The following LRP1B variants were observed in gnomAD, a reference collection of about 807,000 sequenced individuals.
LRP1B encodes the protein LDL receptor related protein 1B, also known as low-density lipoprotein receptor-related protein 1B.
A neutral mutation model predicts 556.6 loss-of-function variants in LRP1B; 217 were observed. That is an observed-to-expected ratio of 0.39 (90% CI 0.35 to 0.44). The LOEUF (loss-of-function observed/expected upper bound fraction) is 0.44, where lower values mean the gene tolerates loss of function less well. Ranked by LOEUF, LRP1B falls within the 20% of genes least tolerant of loss-of-function variation. LRP1B has a pLI of 1.00. For missense variants in LRP1B, 5,053 were observed against 5,620.8 expected, an observed-to-expected ratio of 0.90 and a Z score of 3.23; for synonymous variants, 2,047 against 1,865.8, an observed-to-expected ratio of 1.10 and a Z score of -2.50.
intron 1 of LRP1B, among the ~76,000 whole-genome samples, chr2:142,092,266 A>C (rs577254561): frequency 6.6e-6 from 1 of 152,244 alleles, no homozygotes; most frequent in East Asian, 1.9e-4. Context: ...AATTCTTATA[A>C]ATTGTTTGTT....
intron 2 of LRP1B, among the ~76,000 whole-genome samples, chr2:141,624,257 A>G (rs917860983): frequency 2.0e-5 from 3 of 152,062 alleles, no homozygotes; most frequent in African/African-American, 4.8e-5. Context: ...TAGGCATAAT[A>G]TTATACAACC....
Position 141,643,873 on chromosome 2 carries a change from C to G in LRP1B, c.206-163340G>C, listed in dbSNP as rs1018078431. ...AGCAGCATTGTGTGCAAAATGAGAA[C>G]AGTAATATTAATAACAGCGACCTTA... On this transcript the variant is annotated intron_variant, in intron 2 of 90. Transcript: ENST00000389484. 3.3e-5 allele frequency among the ~76,000 whole-genome samples: 5 copies of G among 152,020 alleles called. No individual in the cohort carries two copies. In the South Asian group the frequency reaches 1.0e-3, roughly 32 times the overall value.
At chr2:140,403,707 G>A (rs1444967774) in intron 66 of LRP1B, among the ~76,000 whole-genome samples, 1 of 152,072 alleles carries the variant, frequency 6.6e-6, no homozygotes, top group Admixed American at 6.5e-5. Flanking sequence ...TTTATTTGAG[G>A]GAATAATTGA....
At chr2:141,694,929 T>C (rs1691680637) in intron 2 of LRP1B, among the ~76,000 whole-genome samples, 1 of 152,028 alleles carries the variant, frequency 6.6e-6, no homozygotes, top group African/African-American at 2.4e-5. Context: ...TTAGATAGTT[T>C]TTTCTTTTTT....
chr2:141,685,080 G>A (rs566468642), intron 2 of LRP1B, among the ~76,000 whole-genome samples: 5 of 152,028 alleles, frequency 3.3e-5, no homozygotes, highest in African/African-American at 9.6e-5. Context: ...AATTTGCTTG[G>A]GACCAATAAC....
intron 81 of LRP1B, among the ~76,000 whole-genome samples, chr2:140,322,866 GT>G (rs1231855568): frequency 1.3e-5 from 2 of 151,652 alleles, no homozygotes; most frequent in Non-Finnish European, 2.9e-5. Context: ...TCAAGACAGG[GT>G]TTTGTCTACT....
chr2:141,889,985 C>A (rs913684648), intron 1 of LRP1B, among the ~76,000 whole-genome samples: 1 of 151,324 alleles, frequency 6.6e-6, no homozygotes, highest in African/African-American at 2.4e-5. Flanking sequence ...TCACCCACCC[C>A]ATATGTGAAC....
chr2:140,406,335 C>A (rs1224623959), intron 66 of LRP1B, among the ~76,000 whole-genome samples: 2 of 151,886 alleles, frequency 1.3e-5, no homozygotes, highest in Admixed American at 6.6e-5. Context: ...ACTGAAAGTC[C>A]CAAGCCAGAG....
chr2:141,779,614 G>A (rs191635321), intron 2 of LRP1B, among the ~76,000 whole-genome samples: 19 of 151,656 alleles, frequency 1.3e-4, no homozygotes, highest in African/African-American at 4.4e-4. Context: ...ATGGGGTTTC[G>A]CCTCTTTTAA....
At chr2:141,054,198 C>T (rs1699117358) in intron 10 of LRP1B, among the ~76,000 whole-genome samples, 1 of 151,960 alleles carries the variant, frequency 6.6e-6, no homozygotes, top group South Asian at 2.1e-4. Flanking sequence ...TTAGTAAGCA[C>T]ATGACCAGAG....
chr2:141,706,835 A>G (rs1351214738), intron 2 of LRP1B, among the ~76,000 whole-genome samples: 1 of 152,036 alleles, frequency 6.6e-6, no homozygotes, highest in Non-Finnish European at 1.5e-5. Context: ...TAATACTAAT[A>G]TTTAGTTCTA....
intron 41 of LRP1B, among the ~76,000 whole-genome samples, chr2:140,681,948 A>C (rs1388458404): frequency 6.6e-6 from 1 of 152,234 alleles, no homozygotes; most frequent in Non-Finnish European, 1.5e-5. Context: ...CATGAATGGG[A>C]GAAACAAGAA....
At chr2:141,785,538 G>A (rs1447312989) in intron 2 of LRP1B, among the ~76,000 whole-genome samples, 1 of 151,762 alleles carries the variant, frequency 6.6e-6, no homozygotes, top group Non-Finnish European at 1.5e-5. Context: ...TATAAGAGAT[G>A]TGAAAGGACT....
rs762967476 is a variant in LRP1B, at chr2:140,315,035, C to A, written c.12705G>T (p.Leu4235Phe). 1.9e-6 allele frequency: 3 copies of A among 1,611,654 alleles called. No individual in the cohort carries two copies. Among genetic ancestry groups the A allele is most frequent in the Admixed American group, 1.7e-5 (1 of 59,720 alleles). ...AATAACTGGGCCAACAGTGACACCTCAAATCACCTTTCTCATTTAAAATGC... is the reference window on the plus strand; with the variant it reads ...AATAACTGGGCCAACAGTGACACCTAAAATCACCTTTCTCATTTAAAATGC... ...GRCILNEKGDLRCHCWPSYSG... is the reference protein window; with the variant it reads ...GRCILNEKGDFRCHCWPSYSG... The change falls in exon 83 of 91, where the codon TTG (leucine) becomes TTT (phenylalanine). Residue 4235 changes from leucine (L) to phenylalanine (F), a missense_variant. Physicochemically the swap from Leu to Phe is conservative, Grantham distance 22 (BLOSUM62 0). Coordinates refer to ENST00000389484, the MANE Select transcript of LRP1B (RefSeq NM_018557.3).
chr2:140,373,228 C>G (rs1683071578), intron 68 of LRP1B, 91 bp from the exon 69 acceptor site: 2 of 1,054,844 alleles, frequency 1.9e-6, no homozygotes, highest in East Asian at 5.2e-5. Context: ...TACAGAAAAC[C>G]TGGAACTGAT....
At chr2:141,403,411 G>C (rs747286479) in intron 3 of LRP1B, among the ~76,000 whole-genome samples, 10 of 151,994 alleles carry the variant, frequency 6.6e-5, no homozygotes, top group Non-Finnish European at 1.3e-4. Context: ...ACTCAATAAA[G>C]GTATGTAATA....
intron 83 of LRP1B, among the ~76,000 whole-genome samples, chr2:140,311,673 A>C (rs1426851329): frequency 6.6e-6 from 1 of 151,892 alleles, no homozygotes; most frequent in African/African-American, 2.4e-5. Flanking sequence ...TACACAAATA[A>C]AAAAAGCCCA....
At chr2:141,812,928 T>G (rs969550969) in intron 1 of LRP1B, among the ~76,000 whole-genome samples, 19 of 151,918 alleles carry the variant, frequency 1.3e-4, no homozygotes, top group African/African-American at 4.4e-4. Context: ...ACTTATGATA[T>G]ATAGATAGAA....
intron 2 of LRP1B, among the ~76,000 whole-genome samples, chr2:141,610,482 A>G (rs1688071559): frequency 1.3e-5 from 2 of 151,520 alleles, no homozygotes; most frequent in Admixed American, 1.3e-4. Flanking sequence ...CCCCCTTGCC[A>G]CTCTCTGACC....
Sources: allele counts gnomAD v4.1 joint callset (sites outside exome capture counted in the v4.1 genomes callset), GRCh38; gene constraint gnomAD v4.1.1; transcripts MANE v1.5; gene names NCBI Gene and HGNC (gene_info 2026-07-23, HGNC 2026-07-21).